The following PARG variants were observed in gnomAD, a reference collection of about 807,000 sequenced individuals.
PARG encodes the protein mitochondrial poly(ADP-ribose) glycohydrolase.
PARG carries 35 observed loss-of-function variants against 113.0 expected under a neutral mutation model. The observed-to-expected ratio is 0.31, with a 90% CI of 0.24 to 0.41. The LOEUF (loss-of-function observed/expected upper bound fraction) is 0.41, where lower values mean the gene tolerates loss of function less well. Among genes scored for constraint, PARG ranks in the 10% least tolerant of loss-of-function variants. PARG has a pLI of 1.00. For missense variants in PARG, 797 were observed against 1,169.4 expected, an observed-to-expected ratio of 0.68 and a Z score of 4.64; for synonymous variants, 330 against 409.9, an observed-to-expected ratio of 0.81 and a Z score of 2.36.
At chr10:49,906,456 T>C (rs1368421435) in intron 7 of PARG, among the ~76,000 whole-genome samples, 8 of 152,138 alleles carry the variant, frequency 5.3e-5, no homozygotes, top group African/African-American at 1.7e-4. Flanking sequence ...CCATTTTCAA[T>C]TGACCTAATG....
intron 16 of PARG, among the ~76,000 whole-genome samples, chr10:49,824,995 T>A (rs1844282033): frequency 6.6e-6 from 1 of 152,068 alleles, no homozygotes; most frequent in Admixed American, 6.5e-5. Context: ...TTCAAACGAT[T>A]TAAATGCATG....
intron 4 of PARG, among the ~76,000 whole-genome samples, chr10:49,926,375 G>A (rs1486840914): frequency 1.3e-5 from 2 of 152,000 alleles, no homozygotes; most frequent in Non-Finnish European, 2.9e-5. Context: ...AAGCAAGGAG[G>A]TAATAACAGC....
chr10:49,819,156 G>A lies in PARG; in HGVS notation c.*184C>T, dbSNP rs1843938571. 2.0e-6 allele frequency: 1 copy of A among 502,846 alleles called. No homozygotes were observed. Among genetic ancestry groups the A allele is most frequent in the African/African-American group, 2.0e-5 (1 of 50,688 alleles). The allele number at this position is 502,846 out of a possible 1,614,324, so 31.1% of individuals were successfully genotyped here. A position where few individuals can be genotyped will look rare whatever the true frequency, so the allele number is the denominator to read the frequency against. On this transcript the variant is annotated 3_prime_UTR_variant, in exon 18 of 18. Coordinates refer to ENST00000616448, the MANE Select transcript of PARG (RefSeq NM_003631.5). Reference sequence around the variant, plus strand: ...ACATATCTAAGTCCACGTGAGTCAGGATGGAGGGAGTTTAGATGTACCAAC... The same window carrying A: ...ACATATCTAAGTCCACGTGAGTCAGAATGGAGGGAGTTTAGATGTACCAAC...
intron 7 of PARG, among the ~76,000 whole-genome samples, chr10:49,894,880 C>T (rs761832528): frequency 2.5e-4 from 38 of 152,286 alleles, no homozygotes; most frequent in Non-Finnish European, 3.7e-4. Context: ...GGTAGTATCA[C>T]GCTCCCTATG....
At chr10:49,901,495 C>T (rs1385416629) in intron 7 of PARG, among the ~76,000 whole-genome samples, 1 of 151,486 alleles carries the variant, frequency 6.6e-6, no homozygotes, top group Non-Finnish European at 1.5e-5. Context: ...AATCAAGTAA[C>T]GTGCATACAT....
At chr10:49,877,753 A>G (rs1182296904) in intron 9 of PARG, among the ~76,000 whole-genome samples, 50 of 115,874 alleles carry the variant, frequency 4.3e-4, no homozygotes, top group Non-Finnish European at 7.1e-4. Flanking sequence ...CCATTCTGAT[A>G]TTTTAAAAAC....
intron 7 of PARG, among the ~76,000 whole-genome samples, chr10:49,890,977 A>T (rs1172093559): frequency 6.6e-6 from 1 of 152,254 alleles, no homozygotes; most frequent in Non-Finnish European, 1.5e-5. Flanking sequence ...AAAAGAAAAT[A>T]TTTCCATAGA....
rs1843965554 is a variant in PARG, at chr10:49,819,568, T to G, written c.2777-74A>C. On this transcript the variant is annotated intron_variant, in intron 17 of 17. Transcript: ENST00000616448. ...AAAAACCTTAGAAAGAACACTCCAG[T>G]TTTATCTTAATCTAAATGGCATATG... 4 of 1,130,988 alleles carry G rather than the reference T, an allele frequency of 3.5e-6. No homozygotes were observed. In the South Asian group the frequency reaches 5.9e-5, roughly 17 times the overall value. The allele number at this position is 1,130,988 out of a possible 1,614,324, so 70.1% of individuals were successfully genotyped here. A position where few individuals can be genotyped will look rare whatever the true frequency, so the allele number is the denominator to read the frequency against.
chr10:49,890,614 G>A (rs1847726060), intron 7 of PARG, among the ~76,000 whole-genome samples: 2 of 151,920 alleles, frequency 1.3e-5, no homozygotes, highest in Admixed American at 1.3e-4. Context: ...AGTAATAACT[G>A]CAACCACATC....
At chr10:49,831,768 T>C (rs149482346) in intron 16 of PARG, among the ~76,000 whole-genome samples, 1 of 152,316 alleles carries the variant, frequency 6.6e-6, no homozygotes, top group Non-Finnish European at 1.5e-5. Context: ...GTCTCCTTTA[T>C]AATAAAACTG....
At chr10:49,848,179 T>A (rs1845597984) in intron 13 of PARG, among the ~76,000 whole-genome samples, 1 of 144,516 alleles carries the variant, frequency 6.9e-6, no homozygotes, top group Admixed American at 7.0e-5. Flanking sequence ...TGAAACCCCA[T>A]CTCTACTAAA....
chr10:49,866,720 C>T (rs1312998683), intron 10 of PARG, among the ~76,000 whole-genome samples: 8 of 152,068 alleles, frequency 5.3e-5, no homozygotes, highest in South Asian at 4.2e-4. Flanking sequence ...CTTGAGAGCA[C>T]GTCTGTTAGC....
chr10:49,857,093 C>G (rs1245388115), intron 13 of PARG, among the ~76,000 whole-genome samples: 4 of 149,266 alleles, frequency 2.7e-5, no homozygotes, highest in African/African-American at 9.9e-5. Context: ...AAAGATGCCA[C>G]GAAAGAAAGA....
At chr10:49,914,571 G>GT (rs1554847100) in intron 7 of PARG, among the ~76,000 whole-genome samples, 1 of 152,140 alleles carries the variant, frequency 6.6e-6, no homozygotes, top group African/African-American at 2.4e-5. Context: ...TAGCACCTAG[G>GT]TTTTTTGCAG....
chr10:49,827,762 T>C (rs1015809707), intron 16 of PARG, among the ~76,000 whole-genome samples: 3 of 150,052 alleles, frequency 2.0e-5, no homozygotes, highest in Middle Eastern at 3.2e-3. Flanking sequence ...CTAAAAGGTA[T>C]GGAATCTTAC....
chr10:49,844,382 G>C (rs906634724), intron 13 of PARG, among the ~76,000 whole-genome samples: 7 of 152,014 alleles, frequency 4.6e-5, no homozygotes, highest in Non-Finnish European at 1.0e-4. Context: ...TAGCGCTTTG[G>C]GAGTCCGAGG....
At chr10:49,883,807 G>GAAA (rs781945080) in intron 8 of PARG, among the ~76,000 whole-genome samples, 1 of 90,006 alleles carries the variant, frequency 1.1e-5, no homozygotes, top group Non-Finnish European at 2.6e-5. Context: ...GTCTCAAAAA[G>GAAA]AAAAAAAAAA....
At chr10:49,890,256 G>A (rs1280583325) in intron 7 of PARG, among the ~76,000 whole-genome samples, 4 of 152,096 alleles carry the variant, frequency 2.6e-5, no homozygotes, top group Non-Finnish European at 5.9e-5. Flanking sequence ...GTTTTGATCT[G>A]TGCGTGTGCG....
At chr10:49,831,991 A>T (rs1249726597) in intron 16 of PARG, among the ~76,000 whole-genome samples, 2 of 152,210 alleles carry the variant, frequency 1.3e-5, no homozygotes. Flanking sequence ...CGATTACTCC[A>T]GGTAGTCAGT....
Sources: gnomAD v4.1 joint callset for allele counts (sites outside exome capture counted in the v4.1 genomes callset) on GRCh38, gnomAD v4.1.1 for gene constraint, MANE v1.5 for transcripts, NCBI Gene and HGNC (gene_info 2026-07-23, HGNC 2026-07-21) for gene names.